The following PCDHGB4 variants were observed in gnomAD, a reference collection of about 807,000 sequenced individuals.
PCDHGB4 encodes protocadherin gamma-B4.
A neutral mutation model predicts 60.5 loss-of-function variants in PCDHGB4; 38 were observed. That is an observed-to-expected ratio of 0.63 (90% confidence interval 0.48 to 0.82). The LOEUF is 0.82. PCDHGB4 is among the 40% of genes least tolerant of loss of function. PCDHGB4 has a pLI of 0.00. For missense variants in PCDHGB4, 1,109 were observed against 1,209.6 expected, an observed-to-expected ratio of 0.92 and a Z score of 1.23; for synonymous variants, 456 against 509.7, an observed-to-expected ratio of 0.89 and a Z score of 1.42.
rs758013542 is a variant in PCDHGB4 at position 141,418,314 on chromosome 5, C to A, written c.2397+28033C>A. 9 of 1,613,988 alleles carry A rather than the reference C, an allele frequency of 5.6e-6. No homozygotes were observed. In the East Asian group the frequency reaches 1.3e-4, roughly 24 times the overall value. On this transcript the variant is annotated intron_variant, in intron 1 of 3. Coordinates refer to ENST00000519479, the MANE Select transcript of PCDHGB4 (RefSeq NM_003736.4). ...GAATCCGTCAGCCTGGGGATGGGAACAATTCTTGAGTCTGCAGAAGATCCT... is the reference window on the plus strand; with the variant it reads ...GAATCCGTCAGCCTGGGGATGGGAAAAATTCTTGAGTCTGCAGAAGATCCT...
rs2233603 is a variant in PCDHGB4 at position 141,490,063 on chromosome 5, G to A, written c.2398-4744G>A. 1,259 of 1,614,208 alleles carry A rather than the reference G, an allele frequency of 7.8e-4. 6 individuals carry two copies. The African/African-American group carries it at 0.013, about 16-fold the overall frequency. On this transcript the variant is annotated intron_variant, in intron 1 of 3. Transcript: ENST00000519479. The surrounding 1 kb of genome is among the most constrained non-coding windows in gnomAD (Gnocchi z 5.4). ...CACTGATCCAGACGAGGGCACCAAC[G>A]GCCAACTAGACTATTCTTTTGGAGA...
intron 1 of PCDHGB4, chr5:141,427,818 G>T: frequency 6.5e-7 from 1 of 1,530,644 alleles, no homozygotes; most frequent in Non-Finnish European, 9.0e-7. Flanking sequence ...GAGCGGGGTG[G>T]TGGTCGCGCA....
chr5:141,476,318 G>T lies in PCDHGB4; in HGVS notation c.2398-18489G>T. 3 of 1,614,202 alleles carry T rather than the reference G, an allele frequency of 1.9e-6. No homozygotes were observed. The highest frequency in any genetic ancestry group is 2.5e-6 in the Non-Finnish European group (3 of 1,180,052). The stretch of plus-strand genomic sequence containing the variant: ...TAGCCTCTCAGCCCGCAGGTTCCGG[G>T]TGGTGTCTGGAGCTAGCCGAAGATT... On this transcript the variant is annotated intron_variant, in intron 1 of 3. Transcript: ENST00000519479. This position sits in a 1 kb window ranked among gnomAD's most constrained non-coding sequence, Gnocchi z 7.6.
At chr5:141,418,685 G>A (rs750217981) in intron 1 of PCDHGB4, 1 of 1,614,056 alleles carries the variant, frequency 6.2e-7, no homozygotes, top group African/African-American at 1.3e-5. Context: ...CATCAACTCA[G>A]AGATCACTTA....
At chr5:141,418,876 C>A (rs917800201) in intron 1 of PCDHGB4, 1 of 1,613,844 alleles carries the variant, frequency 6.2e-7, no homozygotes. Context: ...AAGTTGTAGA[C>A]GAAAACGACA....
At chr5:141,410,006 G>A (rs1201569227) in intron 1 of PCDHGB4, 8 of 1,613,156 alleles carry the variant, frequency 5.0e-6, no homozygotes, top group Non-Finnish European at 5.9e-6. Context: ...GGGACACAAC[G>A]CCTGGCTGTC....
Position 141,432,377 on chromosome 5 carries a change from C to T in PCDHGB4, c.2397+42096C>T. 3.7e-6 allele frequency: 6 copies of T among 1,614,240 alleles called. No homozygotes were observed. Among genetic ancestry groups the T allele is most frequent in the Non-Finnish European group, 5.1e-6 (6 of 1,180,046 alleles). On this transcript the variant is annotated intron_variant, in intron 1 of 3. Transcript: ENST00000519479. This position sits in a 1 kb window ranked among gnomAD's most constrained non-coding sequence, Gnocchi z 6.0. ...AGTGATGGCGCGGGACAACGGGCAC[C>T]CGCCCCTCAGCAGCAACGTGTCGTT...
rs751024373 is a variant in PCDHGB4, at chr5:141,491,801, G to T, written c.2398-3006G>T. 1 of 1,500,844 alleles carries T rather than the reference G, an allele frequency of 6.7e-7. No homozygotes were observed. Among genetic ancestry groups the T allele is most frequent in the Non-Finnish European group, 8.9e-7 (1 of 1,125,292 alleles). 93.0% of individuals were successfully genotyped at this position (1,500,844 alleles called of 1,614,324 possible). ...AACTTGCATCCACTCCTCTCCGGCCGGCTTGGTCGCTGGCTGCGCTCCACC... is the reference window on the plus strand; with the variant it reads ...AACTTGCATCCACTCCTCTCCGGCCTGCTTGGTCGCTGGCTGCGCTCCACC... On this transcript the variant is annotated intron_variant, in intron 1 of 3. Transcript: ENST00000519479. This position sits in a 1 kb window ranked among gnomAD's most constrained non-coding sequence, Gnocchi z 6.9.
chr5:141,455,855 C>A (rs1267803457), intron 1 of PCDHGB4, among the ~76,000 whole-genome samples: 4 of 147,088 alleles, frequency 2.7e-5, no homozygotes, highest in African/African-American at 1.0e-4. Flanking sequence ...AAAATAATTT[C>A]TTTTATTATT....
intron 1 of PCDHGB4, among the ~76,000 whole-genome samples, chr5:141,455,594 G>A (rs1263100982): frequency 6.6e-6 from 1 of 152,112 alleles, no homozygotes; most frequent in Non-Finnish European, 1.5e-5. Context: ...ATATGCAAAC[G>A]TAGGGCGCCA....
chr5:141,387,784 T>A lies in PCDHGB4; in HGVS notation c.-101T>A, dbSNP rs2091093181. 6.8e-7 allele frequency: 1 copy of A among 1,472,514 alleles called. No homozygotes were observed. Among genetic ancestry groups the A allele is most frequent in the East Asian group, 2.4e-5 (1 of 41,712 alleles). The allele number at this position is 1,472,514 out of a possible 1,614,324, so 91.2% of individuals were successfully genotyped here. ...GAAGAATTTTTTCTTGAACTGGAACTGCAACTAAAGTCCGTTCGGAGATCC... is the reference window on the plus strand; with the variant it reads ...GAAGAATTTTTTCTTGAACTGGAACAGCAACTAAAGTCCGTTCGGAGATCC... On this transcript the variant is annotated 5_prime_UTR_variant, in exon 1 of 4. Transcript: ENST00000519479.
chr5:141,403,634 A>T, intron 1 of PCDHGB4: 1 of 1,613,920 alleles, frequency 6.2e-7, no homozygotes, highest in Non-Finnish European at 8.5e-7. Flanking sequence ...CACAGTGCGC[A>T]TCCATGTGAC....
chr5:141,451,739 G>A (rs1343538104), intron 1 of PCDHGB4, among the ~76,000 whole-genome samples: 1 of 152,082 alleles, frequency 6.6e-6, no homozygotes, highest in East Asian at 1.9e-4. Flanking sequence ...AAAATTAGCT[G>A]GTCTGGTGGT....
At position 141,404,691 on chromosome 5, in the gene PCDHGB4, G is replaced by T. The variant is rs200601931; in HGVS notation, c.2397+14410G>T. ...TCTACTGGTGTGGAGCTGGCACCCC[G>T]CTCTGCAGAGCCTGGCTACCTGGTG... On this transcript the variant is annotated intron_variant, in intron 1 of 3. Transcript: ENST00000519479. 28 of 1,613,996 alleles carry T rather than the reference G, an allele frequency of 1.7e-5. No individual in the cohort carries two copies. The highest frequency in any genetic ancestry group is 1.6e-4 in the Middle Eastern group (1 of 6,062).
At chr5:141,404,875 C>A in intron 1 of PCDHGB4, 1 of 1,613,904 alleles carries the variant, frequency 6.2e-7, no homozygotes, top group Non-Finnish European at 8.5e-7. Context: ...TCAAACAGAG[C>A]CTTGTGGTGG....
intron 1 of PCDHGB4, chr5:141,394,606 C>T (rs747606142): frequency 3.1e-6 from 5 of 1,613,486 alleles, no homozygotes; most frequent in Admixed American, 1.7e-5. Context: ...GACAGAGACT[C>T]GGGCCAGAAC....
intron 1 of PCDHGB4, chr5:141,411,324 C>T (rs1171274674): frequency 1.3e-5 from 2 of 152,166 alleles, no homozygotes; most frequent in Admixed American, 6.5e-5. Context: ...AATCACAGCA[C>T]TTTGATAGGC....
At chr5:141,443,055 C>G (rs994152277) in intron 1 of PCDHGB4, among the ~76,000 whole-genome samples, 1 of 152,208 alleles carries the variant, frequency 6.6e-6, no homozygotes, top group Non-Finnish European at 1.5e-5. Flanking sequence ...TATTGTTCCA[C>G]TGAAGAGCGT....
intron 1 of PCDHGB4, among the ~76,000 whole-genome samples, chr5:141,458,336 GA>G (rs762646440): frequency 1.3e-5 from 2 of 152,118 alleles, no homozygotes; most frequent in Non-Finnish European, 2.9e-5. Context: ...TGGTTTTAAG[GA>G]GTGGAGAGTT....
Sources: allele counts gnomAD v4.1 joint callset (sites outside exome capture counted in the v4.1 genomes callset), GRCh38; gene constraint gnomAD v4.1.1; non-coding constraint Gnocchi (gnomAD v3.1); transcripts MANE v1.5; gene names NCBI Gene and HGNC (gene_info 2026-07-23, HGNC 2026-07-21).